PTPRH: variants seen among roughly 807,000 people sequenced by gnomAD.
PTPRH encodes protein tyrosine phosphatase receptor type H.
A neutral mutation model predicts 130.2 loss-of-function variants in PTPRH; 113 were observed. That is an observed-to-expected ratio of 0.87 (90% CI 0.75 to 1.01). PTPRH has a LOEUF of 1.01. PTPRH is among the 50% of genes least tolerant of loss of function. PTPRH has a pLI of 0.00. For synonymous variants in PTPRH, 556 were observed against 577.9 expected (o/e 0.96, Z 0.54); for missense variants, 1,430 against 1,425.0 (o/e 1.00, Z -0.06).
chr19:55,204,231 T>TGAGTAGGTGG (rs1335366978), intron 4 of PTPRH, among the ~76,000 whole-genome samples, 183 bp from the exon 5 acceptor site: 1 of 151,984 alleles, frequency 6.6e-6, no homozygotes, highest in Admixed American at 6.6e-5. Flanking sequence ...GCGATTCTCC[T>TGAGTAGGTGG]GCCTCAGCCT....
chr19:55,202,026 G>C, intron 6 of PTPRH, 30 bp downstream of exon 6: 1 of 1,610,046 alleles, frequency 6.2e-7, no homozygotes, highest in Non-Finnish European at 8.5e-7. Context: ...AAACAAATAA[G>C]AGATCAAACA....
At chr19:55,186,442 T>G (rs201283120) in intron 15 of PTPRH, 22 bp downstream of exon 15, 303 of 1,614,064 alleles carry the variant, frequency 1.9e-4, no homozygotes, top group Non-Finnish European at 2.4e-4. Flanking sequence ...GGGCACCCTT[T>G]CAATCCCAAC....
chr19:55,181,839 G>A lies in PTPRH; in HGVS notation c.3263C>T (p.Ala1088Val). 1 of 1,614,214 alleles carries A rather than the reference G, an allele frequency of 6.2e-7. No homozygotes were observed. The highest frequency in any genetic ancestry group is 1.7e-5 in the Admixed American group (1 of 60,024). ...RFLQQSAQAP[A>V]EKEVPYEDVE... ...ATCCTCATACGGGACTTCCTTCTCGGCTGGGGCCTGGGCTGACTGTTGGAG... is the reference window on the plus strand; with the variant it reads ...ATCCTCATACGGGACTTCCTTCTCGACTGGGGCCTGGGCTGACTGTTGGAG... The change falls in exon 20 of 20, where the codon GCC becomes GTC. Residue 1088 changes from alanine to valine, a missense_variant. Physicochemically the swap from Ala to Val is moderately conservative, Grantham distance 64 (BLOSUM62 0). Transcript: ENST00000376350.
chr19:55,205,226 A>C, intron 4 of PTPRH, 100 bp downstream of exon 4: 1 of 1,543,830 alleles, frequency 6.5e-7, no homozygotes, highest in Non-Finnish European at 8.8e-7. Flanking sequence ...TACCTGGCTC[A>C]ATGTGGCCCA....
intron 13 of PTPRH, among the ~76,000 whole-genome samples, chr19:55,187,855 C>T (rs967746034): frequency 2.6e-5 from 4 of 151,990 alleles, no homozygotes; most frequent in African/African-American, 9.7e-5. Context: ...AAAGGACTCA[C>T]TGGGTGGGGG....
intron 14 of PTPRH, among the ~76,000 whole-genome samples, chr19:55,187,068 G>T (rs1363124165): frequency 6.7e-6 from 1 of 149,764 alleles, no homozygotes. Context: ...GTGGGGGGCC[G>T]GGCGCAGTGG....
At chr19:55,198,406 C>T (rs529948597) in intron 8 of PTPRH, among the ~76,000 whole-genome samples, 1 of 152,248 alleles carries the variant, frequency 6.6e-6, no homozygotes, top group African/African-American at 2.4e-5. Flanking sequence ...GAGGGCTCCC[C>T]CTGACCCCAA....
intron 2 of PTPRH, 75 bp downstream of exon 2, chr19:55,207,091 G>A (rs2087090264): frequency 3.1e-6 from 5 of 1,594,146 alleles, no homozygotes; most frequent in Non-Finnish European, 4.3e-6. Flanking sequence ...ACCCCACGGG[G>A]ACCCCCCAGA....
In PTPRH at chr19:55,203,699, C is replaced by A. The variant is rs1600072441; in HGVS notation, c.886+83G>T. The A allele has an allele frequency of 1.0e-5, 15 of 1,461,980 alleles. No individual in the cohort carries two copies. In the East Asian group the frequency reaches 3.5e-4, roughly 34 times the overall value. 90.6% of individuals were successfully genotyped at this position (1,461,980 alleles called of 1,614,324 possible). A position where few individuals can be genotyped will look rare whatever the true frequency, so the allele number is the denominator to read the frequency against. On this transcript the variant is annotated intron_variant, in intron 5 of 19. Coordinates refer to ENST00000376350, the MANE Select transcript of PTPRH (RefSeq NM_002842.5). ...CTGTGTTTCTATTGGACTAAAGAAC[C>A]TGTCACATTTTGTCAGCTCCCAACC...
chr19:55,185,602 C>A lies in PTPRH; in HGVS notation c.2962G>T (p.Gly988Cys), dbSNP rs143413811. The change falls in exon 18 of 20, where the codon GGC (glycine) becomes TGC (cysteine). Residue 988 changes from glycine (G) to cysteine (C), a missense_variant. Coordinates refer to ENST00000376350, the MANE Select transcript of PTPRH (RefSeq NM_002842.5). ...AAGGTGTCTGGGGAGGAGGGAACGCCGTGATCCGGCCAGGCCTGGTAGTGG... is the reference window on the plus strand; with the variant it reads ...AAGGTGTCTGGGGAGGAGGGAACGCAGTGATCCGGCCAGGCCTGGTAGTGG... ...QFHYQAWPDH[G>C]VPSSPDTLLA... is the part of the protein sequence containing the mutation. 6.2e-7 allele frequency: 1 copy of A among 1,614,200 alleles called. No homozygotes were observed. Among genetic ancestry groups the A allele is most frequent in the Non-Finnish European group, 8.5e-7 (1 of 1,180,040 alleles).
intron 4 of PTPRH, among the ~76,000 whole-genome samples, chr19:55,204,370 G>T (rs1205144542): frequency 6.6e-6 from 1 of 152,164 alleles, no homozygotes; most frequent in African/African-American, 2.4e-5. Context: ...CTCCCAAAGT[G>T]CTGGGACTAC....
chr19:55,198,900 A>G lies in PTPRH; in HGVS notation c.1433T>C (p.Val478Ala), dbSNP rs1199043823. The change falls in exon 8 of 20, where the codon GTG (valine) becomes GCG (alanine). Residue 478 changes from valine (V) to alanine (A), a missense_variant. By Grantham distance (64) the Val-to-Ala change is moderately conservative (BLOSUM62 0). Transcript: ENST00000376350. ...NVSISTVPNA[V>A]TSLSKQDWTN... Reference sequence around the variant, plus strand: ...CCAGTCCTGCTTGCTGAGGCTTGTCACTGCGTTGGGGACTGGGAGAGGGAG... The same window carrying G: ...CCAGTCCTGCTTGCTGAGGCTTGTCGCTGCGTTGGGGACTGGGAGAGGGAG... The G allele has an allele frequency of 3.9e-6, 6 of 1,519,490 alleles. No individual in the cohort carries two copies. The highest frequency in any genetic ancestry group is 4.4e-6 in the Non-Finnish European group (5 of 1,130,836). The allele number at this position is 1,519,490 out of a possible 1,614,324, so 94.1% of individuals were successfully genotyped here.
At chr19:55,204,126 GTTTGT>G in intron 4 of PTPRH, 78 bp from the exon 5 acceptor site, 2 of 1,445,270 alleles carry the variant, frequency 1.4e-6, no homozygotes, top group Middle Eastern at 2.0e-4. Context: ...CTTTTTGTTT[GTTTGT>G]TTTTTCGAGA....
intron 10 of PTPRH, among the ~76,000 whole-genome samples, chr19:55,194,709 G>C (rs145411228): frequency 3.3e-5 from 5 of 152,118 alleles, no homozygotes; most frequent in African/African-American, 7.2e-5. Flanking sequence ...AACCCGGGGT[G>C]GGGGGTAGTT....
rs1438339703 is a variant in PTPRH at position 55,209,030 on chromosome 19, G to A, written c.51+353C>T. Among the ~76,000 whole-genome samples the A allele has an allele frequency of 1.3e-5, 2 of 151,944 alleles. No individual in the cohort carries two copies. Among genetic ancestry groups the A allele is most frequent in the Non-Finnish European group, 2.9e-5 (2 of 67,966 alleles). On this transcript the variant is annotated intron_variant, in intron 1 of 19. Transcript: ENST00000376350. This position sits in a 1 kb window ranked among gnomAD's most constrained non-coding sequence, Gnocchi z 4.1. ...GGGTCTGGACTCTTGGTTTGAGGGA[G>A]GAGGGGCTGCTTCCTGTCCGTGAGC...
rs376837207 is a variant in PTPRH, at chr19:55,204,035, C to G, written c.633G>C (p.Val211=). The G allele has an allele frequency of 6.1e-5, 99 of 1,613,400 alleles. No individual in the cohort carries two copies. The highest frequency in any genetic ancestry group is 7.9e-5 in the Non-Finnish European group (93 of 1,179,588). Residue 211 remains valine, a synonymous_variant, in exon 5 of 20, where the codon GTG becomes GTC. Transcript: ENST00000376350. ...TCTGAGCCTCCACTCTCAGGTTCCTCACTGGGTTGTGAGCTGAGAAATTAG... is the reference window on the plus strand; with the variant it reads ...TCTGAGCCTCCACTCTCAGGTTCCTGACTGGGTTGTGAGCTGAGAAATTAG... ...TRNATTAHNP[V]RNLRVEAQTT...
chr19:55,182,299 G>T, intron 18 of PTPRH, 148 bp from the exon 19 acceptor site: 2 of 973,798 alleles, frequency 2.1e-6, no homozygotes, highest in Non-Finnish European at 3.0e-6. Context: ...GCTGAGGCCG[G>T]TGGATCACCC....
intron 8 of PTPRH, among the ~76,000 whole-genome samples, chr19:55,197,708 T>G (rs1019193514): frequency 1.3e-5 from 2 of 152,164 alleles, no homozygotes; most frequent in Non-Finnish European, 2.9e-5. Context: ...AGGCTATGGA[T>G]TCTCTGTATC....
chr19:55,188,248 CA>C (rs2086424180), intron 12 of PTPRH, 80 bp from the exon 13 acceptor site: 1 of 1,162,392 alleles, frequency 8.6e-7, no homozygotes, highest in Admixed American at 1.7e-5. Flanking sequence ...CATGGTGGCT[CA>C]CGCCTGTAAT....
Sources: gnomAD v4.1 joint callset for allele counts (sites outside exome capture counted in the v4.1 genomes callset) on GRCh38, gnomAD v4.1.1 for gene constraint, Gnocchi (gnomAD v3.1) non-coding constraint, MANE v1.5 for transcripts, NCBI Gene and HGNC (gene_info 2026-07-23, HGNC 2026-07-21) for gene names.